Variants in MTOR observed in about 807,000 individuals in gnomAD.
MTOR encodes mechanistic target of rapamycin kinase.
MTOR carries 70 observed loss-of-function variants against 319.8 expected under a neutral mutation model. That is an observed-to-expected ratio of 0.22 (90% CI 0.18 to 0.27). The LOEUF is 0.27. MTOR is among the 10% of genes least tolerant of loss of function. MTOR has a pLI of 1.00. For synonymous variants in MTOR, 1,183 were observed against 1,211.4 expected (o/e 0.98, Z 0.49); for missense variants, 1,890 against 3,274.4 (o/e 0.58, Z 10.32).
rs753077342 is a variant in MTOR at position 11,240,362 on chromosome 1, G to C, written c.1727C>G (p.Ala576Gly). Residue 576 changes from alanine (A) to glycine (G), a missense_variant, in exon 11 of 58, where the codon GCC (alanine) becomes GGC (glycine). Transcript: ENST00000361445. Reference sequence around the variant, plus strand: ...AAGAGTGATGCTGCCCACATCGCTGGCCTCAGGGAGGGTCGTGAGGCCAGG... The same window carrying C: ...AAGAGTGATGCTGCCCACATCGCTGCCCTCAGGGAGGGTCGTGAGGCCAGG... ...ASPGLTTLPE[A>G]SDVGSITLAL... is the part of the protein sequence containing the mutation. The C allele has an allele frequency of 1.9e-6, 3 of 1,613,284 alleles. No homozygotes were observed. The highest frequency in any genetic ancestry group is 2.5e-6 in the Non-Finnish European group (3 of 1,179,606).
At position 11,109,555 on chromosome 1, in the gene MTOR, T is replaced by G; in HGVS notation, c.7447+94A>C. ...CTTTTCTGCTCAAAGGCAGTTTTGT[T>G]GCTTCATCTTGTTGACCCCTCTCAG... On this transcript the variant is annotated intron_variant, in intron 55 of 57. Coordinates refer to ENST00000361445, the MANE Select transcript of MTOR (RefSeq NM_004958.4). This position sits in a 1 kb window ranked among gnomAD's most constrained non-coding sequence, Gnocchi z 4.0. 7.4e-7 allele frequency: 1 copy of G among 1,345,836 alleles called. No individual in the cohort carries two copies. The highest frequency in any genetic ancestry group is 1.1e-6 in the Non-Finnish European group (1 of 944,872). 83.4% of individuals were successfully genotyped at this position (1,345,836 alleles called of 1,614,324 possible).
chr1:11,222,717 T>A (rs1336321721), intron 19 of MTOR, among the ~76,000 whole-genome samples: 5 of 152,190 alleles, frequency 3.3e-5, no homozygotes, highest in African/African-American at 1.2e-4. Context: ...GGGCACATGT[T>A]CTCAGGAGCT....
At chr1:11,119,376 C>G (rs1642373476) in intron 49 of MTOR, among the ~76,000 whole-genome samples, 2 of 151,184 alleles carry the variant, frequency 1.3e-5, no homozygotes, top group South Asian at 4.2e-4. Flanking sequence ...ACCATCCTGG[C>G]TAACATGGTG....
At chr1:11,241,306 G>A (rs908752296) in intron 10 of MTOR, among the ~76,000 whole-genome samples, 5 of 142,712 alleles carry the variant, frequency 3.5e-5, no homozygotes, top group African/African-American at 1.3e-4. Flanking sequence ...GGGCGACAGA[G>A]CGAGACCCCT....
chr1:11,137,003 G>A (rs541140615), intron 36 of MTOR, among the ~76,000 whole-genome samples: 11 of 151,182 alleles, frequency 7.3e-5, no homozygotes, highest in South Asian at 6.3e-4. Flanking sequence ...CACCACACCC[G>A]GCTAATTTTT....
Position 11,121,905 on chromosome 1 carries a change from G to C in MTOR, c.6810+74C>G. 2 of 1,564,218 alleles carry C rather than the reference G, an allele frequency of 1.3e-6. No homozygotes were observed. The highest frequency in any genetic ancestry group is 1.7e-6 in the Non-Finnish European group (2 of 1,148,206). ...TTTTTCAGTGACAGACATACAGAGA[G>C]GAATGAGAAAAGCAGCGCTACGGAG... On this transcript the variant is annotated intron_variant, in intron 48 of 57. Coordinates refer to ENST00000361445, the MANE Select transcript of MTOR (RefSeq NM_004958.4). The surrounding 1 kb of genome is among the most constrained non-coding windows in gnomAD (Gnocchi z 4.9).
At chr1:11,126,871 T>G in intron 45 of MTOR, 75 bp from the exon 46 acceptor site, 1 of 1,581,078 alleles carries the variant, frequency 6.3e-7, no homozygotes. Context: ...TATTTTTCAG[T>G]GGATTGCTAA....
chr1:11,111,626 A>C (rs1036280498), intron 54 of MTOR: 1 of 156,834 alleles, frequency 6.4e-6, no homozygotes, highest in Non-Finnish European at 1.4e-5. Flanking sequence ...CTCCACACGA[A>C]AGCACCCGCA....
chr1:11,185,642 A>G (rs370892432), intron 28 of MTOR, among the ~76,000 whole-genome samples: 1 of 152,158 alleles, frequency 6.6e-6, no homozygotes, highest in East Asian at 1.9e-4. Context: ...CTCTAAGAGA[A>G]GGCCTGAGAG....
rs1570934332 is a variant in MTOR, at chr1:11,124,528, T to C, written c.6632A>G (p.Asn2211Ser). 15 of 1,609,602 alleles carry C rather than the reference T, an allele frequency of 9.3e-6. No individual in the cohort carries two copies. Among genetic ancestry groups the C allele is most frequent in the Non-Finnish European group, 1.2e-5 (14 of 1,176,048 alleles). The change falls in exon 47 of 58, where the codon AAT becomes AGT. Residue 2211 changes from asparagine to serine, a missense_variant. Transcript: ENST00000361445. ...GTTTTTCCGAAGAGATGTTGGGTCA[T>C]TGGCCAGAAGGGTGTTAACCAGGCC... ...LFGLVNTLLANDPTSLRKNLS... is the reference protein window; with the variant it reads ...LFGLVNTLLASDPTSLRKNLS...
At chr1:11,210,929 T>A in intron 23 of MTOR, 23 bp from the exon 24 acceptor site, 1 of 1,428,018 alleles carries the variant, frequency 7.0e-7, no homozygotes, top group Non-Finnish European at 9.8e-7. Flanking sequence ...GGGGAAGAGA[T>A]GAGAAACTAT....
At chr1:11,229,366 A>C (rs1051750388) in intron 18 of MTOR, among the ~76,000 whole-genome samples, 4 of 152,224 alleles carry the variant, frequency 2.6e-5, no homozygotes, top group African/African-American at 9.6e-5. Flanking sequence ...CCTGACTTGA[A>C]CAGTAAGGAC....
intron 2 of MTOR, among the ~76,000 whole-genome samples, chr1:11,258,832 G>A (rs1192247980): frequency 6.6e-6 from 1 of 152,092 alleles, no homozygotes; most frequent in East Asian, 1.9e-4. Context: ...TCCTGTCCTA[G>A]GTTCTTTCTA....
intron 38 of MTOR, 139 bp from the exon 39 acceptor site, chr1:11,130,916 T>A: frequency 9.0e-7 from 1 of 1,109,852 alleles, no homozygotes; most frequent in Non-Finnish European, 1.3e-6. Flanking sequence ...AAGGAGACAC[T>A]CAGAAATGGC....
intron 49 of MTOR, among the ~76,000 whole-genome samples, chr1:11,119,738 C>T (rs1375430861): frequency 6.7e-6 from 1 of 148,338 alleles, no homozygotes; most frequent in East Asian, 2.0e-4. Context: ...AGAGTAAGAC[C>T]TTGTCTCAAA....
At position 11,219,724 on chromosome 1, in the gene MTOR, T is replaced by C. The variant is rs1413557600; in HGVS notation, c.3031-3490A>G. Among the ~76,000 whole-genome samples, 6 of 151,956 alleles carry C rather than the reference T, an allele frequency of 3.9e-5. No individual in the cohort carries two copies. In the East Asian group the frequency reaches 1.2e-3, roughly 29 times the overall value. On this transcript the variant is annotated intron_variant, in intron 19 of 57. Transcript: ENST00000361445. ...AAAATTTAGTCTGTTTAAAATGCCTTAAAAAAAGTGGGAATAAGGCTGGGC... is the reference window on the plus strand; with the variant it reads ...AAAATTTAGTCTGTTTAAAATGCCTCAAAAAAAGTGGGAATAAGGCTGGGC...
chr1:11,167,013 C>T (rs886401471), intron 29 of MTOR, among the ~76,000 whole-genome samples: 1 of 152,162 alleles, frequency 6.6e-6, no homozygotes, highest in African/African-American at 2.4e-5. Flanking sequence ...CCAAACACTG[C>T]ATGTTCTCAC....
intron 28 of MTOR, among the ~76,000 whole-genome samples, chr1:11,168,069 CA>C (rs879426734): frequency 0.028 from 3,055 of 110,012 alleles, 73 homozygotes; most frequent in African/African-American, 0.085. Flanking sequence ...GACACTGTCT[CA>C]AAAAAAAAAA....
In MTOR at chr1:11,121,477, A is replaced by C; in HGVS notation, c.6811-109T>G. ...GGCAGAGCTGAGTTCTAATTTCCCC[A>C]TCATAGCCAAAGGAGAAGGGAAATA... On this transcript the variant is annotated intron_variant, in intron 48 of 57. Coordinates refer to ENST00000361445, the MANE Select transcript of MTOR (RefSeq NM_004958.4). This position sits in a 1 kb window ranked among gnomAD's most constrained non-coding sequence, Gnocchi z 4.9. 7.1e-7 allele frequency: 1 copy of C among 1,418,230 alleles called. No homozygotes were observed. Among genetic ancestry groups the C allele is most frequent in the Non-Finnish European group, 9.6e-7 (1 of 1,038,554 alleles). The allele number at this position is 1,418,230 out of a possible 1,614,324, so 87.9% of individuals were successfully genotyped here. A position where few individuals can be genotyped will look rare whatever the true frequency, so the allele number is the denominator to read the frequency against.
Sources: gnomAD v4.1 joint callset for allele counts (sites outside exome capture counted in the v4.1 genomes callset) on GRCh38, gnomAD v4.1.1 for gene constraint, Gnocchi (gnomAD v3.1) non-coding constraint, MANE v1.5 for transcripts, NCBI Gene and HGNC (gene_info 2026-07-23, HGNC 2026-07-21) for gene names.